The following MACROD2 variants were observed in gnomAD, a reference collection of about 807,000 sequenced individuals.
The protein encoded by MACROD2 is mono-ADP ribosylhydrolase 2.
Under a neutral mutation model 70.4 loss-of-function variants are expected in MACROD2, and 36 were observed. That is an observed-to-expected ratio of 0.51 (90% CI 0.39 to 0.68). MACROD2 has a LOEUF of 0.68. MACROD2 is among the 30% of genes least tolerant of loss of function. The pLI is 0.00. For synonymous variants in MACROD2, 172 were observed against 178.8 expected (o/e 0.96, Z 0.30); for missense variants, 496 against 538.4 (o/e 0.92, Z 0.78).
At chr20:15,978,783 G>C (rs2066351595) in intron 13 of MACROD2, among the ~76,000 whole-genome samples, 1 of 152,194 alleles carries the variant, frequency 6.6e-6, no homozygotes, top group South Asian at 2.1e-4. Context: ...AAAGATCCAA[G>C]AGACAGATGA....
chr20:14,977,494 CA>C (rs1452423025), intron 5 of MACROD2, among the ~76,000 whole-genome samples: 1 of 151,522 alleles, frequency 6.6e-6, no homozygotes, highest in East Asian at 1.9e-4. Flanking sequence ...CACACACACA[CA>C]CACACAATTA....
chr20:14,524,765 A>C (rs1671962954), intron 4 of MACROD2, among the ~76,000 whole-genome samples: 1 of 152,112 alleles, frequency 6.6e-6, no homozygotes. Context: ...GATGCTCCTC[A>C]AGTCCTTAAC....
At chr20:15,374,230 C>CAT (rs1189831588) in intron 6 of MACROD2, among the ~76,000 whole-genome samples, 1 of 151,574 alleles carries the variant, frequency 6.6e-6, no homozygotes, top group Non-Finnish European at 1.5e-5. Context: ...GTGATTTTAT[C>CAT]ATATATATAA....
intron 5 of MACROD2, among the ~76,000 whole-genome samples, chr20:14,692,811 C>A (rs1189575513): frequency 1.3e-5 from 2 of 152,216 alleles, no homozygotes; most frequent in African/African-American, 2.4e-5. Flanking sequence ...CATGTCTGTT[C>A]TATGCTTAGC....
intron 4 of MACROD2, among the ~76,000 whole-genome samples, chr20:14,637,953 G>A (rs1380516185): frequency 6.6e-6 from 1 of 151,998 alleles, no homozygotes; most frequent in Non-Finnish European, 1.5e-5. Context: ...GGAAGTCAGG[G>A]AACAACTTTT....
chr20:15,386,228 C>T (rs2146285998), intron 6 of MACROD2, among the ~76,000 whole-genome samples: 2 of 152,322 alleles, frequency 1.3e-5, no homozygotes, highest in Middle Eastern at 3.4e-3. Flanking sequence ...GACTTCACCA[C>T]CTTTGCCCTG....
intron 8 of MACROD2, among the ~76,000 whole-genome samples, chr20:15,688,763 T>C (rs1173130433): frequency 6.6e-6 from 1 of 152,210 alleles, no homozygotes; most frequent in African/African-American, 2.4e-5. Flanking sequence ...GTGGGTCCTA[T>C]GCCATATGAA....
At chr20:15,054,433 A>G (rs1299318806) in intron 5 of MACROD2, among the ~76,000 whole-genome samples, 1 of 152,138 alleles carries the variant, frequency 6.6e-6, no homozygotes, top group Non-Finnish European at 1.5e-5. Context: ...AAGACTCCCC[A>G]CTATCAAAAA....
chr20:14,682,289 A>C (rs1054862137), intron 4 of MACROD2, among the ~76,000 whole-genome samples: 1 of 152,060 alleles, frequency 6.6e-6, no homozygotes, highest in Non-Finnish European at 1.5e-5. Flanking sequence ...AGCTCTTGTA[A>C]AAAATTTTCA....
intron 3 of MACROD2, among the ~76,000 whole-genome samples, chr20:14,195,575 CCCCCGAGA>C (rs2081423789): frequency 6.6e-6 from 1 of 152,106 alleles, no homozygotes; most frequent in South Asian, 2.1e-4. Flanking sequence ...CCTATAAAAA[CCCCCGAGA>C]CCCTAGCAGG....
At chr20:15,430,230 A>T (rs1417810690) in intron 6 of MACROD2, among the ~76,000 whole-genome samples, 1 of 151,746 alleles carries the variant, frequency 6.6e-6, no homozygotes, top group African/African-American at 2.4e-5. Context: ...TTTTCTTGTT[A>T]TAGATAGCAC....
intron 15 of MACROD2, among the ~76,000 whole-genome samples, chr20:16,001,478 A>T (rs2066708250): frequency 6.6e-6 from 1 of 152,234 alleles, no homozygotes; most frequent in African/African-American, 2.4e-5. Flanking sequence ...TGTTGTCGAG[A>T]TGAATCAGTC....
intron 8 of MACROD2, among the ~76,000 whole-genome samples, chr20:15,709,001 G>A (rs2050582718): frequency 6.6e-6 from 1 of 152,140 alleles, no homozygotes; most frequent in South Asian, 2.1e-4. Flanking sequence ...CCGGGCAACA[G>A]AGTGACACCC....
intron 3 of MACROD2, among the ~76,000 whole-genome samples, chr20:14,353,056 AC>A (rs2083139200): frequency 6.6e-6 from 1 of 152,136 alleles, no homozygotes; most frequent in Non-Finnish European, 1.5e-5. Context: ...GTTAGCTGTG[AC>A]TCTTCAAAAA....
chr20:14,810,679 A>G (rs562883277), intron 5 of MACROD2, among the ~76,000 whole-genome samples: 1 of 152,218 alleles, frequency 6.6e-6, no homozygotes, highest in South Asian at 2.1e-4. Context: ...ATGATTGTAT[A>G]TTTAGAAAAC....
chr20:15,023,440 A>G (rs1477201003), intron 5 of MACROD2, among the ~76,000 whole-genome samples: 2 of 152,224 alleles, frequency 1.3e-5, no homozygotes, highest in Non-Finnish European at 2.9e-5. Flanking sequence ...TCCTAATCAC[A>G]TAGAAGCAGC....
At chr20:15,740,743 C>T (rs560449224) in intron 8 of MACROD2, among the ~76,000 whole-genome samples, 185 of 151,584 alleles carry the variant, frequency 1.2e-3, no homozygotes, top group African/African-American at 4.3e-3. Context: ...ATGGTGACAC[C>T]TTTCTTCCAG....
intron 10 of MACROD2, among the ~76,000 whole-genome samples, chr20:15,930,280 G>A (rs988695310): frequency 9.2e-5 from 14 of 152,090 alleles, no homozygotes; most frequent in Admixed American, 2.6e-4. Flanking sequence ...AAAGACTTAC[G>A]GGTAACTGTG....
chr20:15,531,243 A>C (rs1396936309), intron 8 of MACROD2, among the ~76,000 whole-genome samples: 2 of 151,650 alleles, frequency 1.3e-5, no homozygotes, highest in Non-Finnish European at 2.9e-5. Flanking sequence ...ATTGTATTTT[A>C]CTTCTCTGAA....
Sources: allele counts gnomAD v4.1 joint callset (sites outside exome capture counted in the v4.1 genomes callset), GRCh38; gene constraint gnomAD v4.1.1; transcripts MANE v1.5; gene names NCBI Gene and HGNC (gene_info 2026-07-23, HGNC 2026-07-21).